EYS: variants seen among roughly 807,000 people sequenced by gnomAD.
The protein encoded by EYS is EGF-like photoreceptor maintenance factor.
A neutral mutation model predicts 282.1 loss-of-function variants in EYS; 250 were observed. That is an observed-to-expected ratio of 0.89 (90% CI 0.80 to 0.98). The LOEUF is 0.98. EYS is among the 50% of genes least tolerant of loss of function. The pLI, the probability that EYS is intolerant of heterozygous loss-of-function variation, is 0.00. For missense variants in EYS, 4,016 were observed against 3,709.0 expected (o/e 1.08, Z -2.15); for synonymous variants, 1,355 against 1,282.9 (o/e 1.06, Z -1.20).
intron 26 of EYS, among the ~76,000 whole-genome samples, chr6:64,515,312 C>T (rs1408017006): frequency 6.6e-6 from 1 of 151,564 alleles, no homozygotes; most frequent in South Asian, 2.1e-4. Context: ...ACTAAGCCTA[C>T]AGATTTATTT....
At chr6:65,339,285 G>T (rs759443485) in intron 10 of EYS, among the ~76,000 whole-genome samples, 1 of 151,112 alleles carries the variant, frequency 6.6e-6, no homozygotes, top group Non-Finnish European at 1.5e-5. Flanking sequence ...AAAATAGAAT[G>T]CAGGAGAAAT....
chr6:64,890,053 C>A (rs1050550429), intron 18 of EYS, among the ~76,000 whole-genome samples: 1 of 149,648 alleles, frequency 6.7e-6, no homozygotes, highest in Admixed American at 6.7e-5. Context: ...ATGCCCCCCC[C>A]CCCCAAGGTG....
intron 15 of EYS, among the ~76,000 whole-genome samples, chr6:64,936,685 A>G (rs1768916680): frequency 6.6e-6 from 1 of 151,508 alleles, no homozygotes; most frequent in Non-Finnish European, 1.5e-5. Context: ...ATAACATAAA[A>G]AGATTCAAAT....
chr6:65,606,832 T>C (rs1280195473), intron 2 of EYS, among the ~76,000 whole-genome samples: 2 of 151,862 alleles, frequency 1.3e-5, no homozygotes, highest in African/African-American at 2.4e-5. Flanking sequence ...AAAGAGAAGT[T>C]TACCAGTTTA....
chr6:65,474,651 G>C (rs1360749165), intron 5 of EYS, among the ~76,000 whole-genome samples: 2 of 152,062 alleles, frequency 1.3e-5, no homozygotes, highest in African/African-American at 2.4e-5. Flanking sequence ...TCCAGATTTG[G>C]GAGGAAGCAA....
At chr6:65,687,803 G>A (rs1415530675) in intron 1 of EYS, among the ~76,000 whole-genome samples, 1 of 152,086 alleles carries the variant, frequency 6.6e-6, no homozygotes, top group African/African-American at 2.4e-5. Context: ...CAAACGCAGA[G>A]CCAAATCATG....
intron 29 of EYS, among the ~76,000 whole-genome samples, chr6:64,310,982 GT>G (rs1769675619): frequency 6.6e-6 from 1 of 151,880 alleles, no homozygotes; most frequent in Admixed American, 6.5e-5. Context: ...AAAGGTTCTT[GT>G]TTTTATAATG....
intron 2 of EYS, among the ~76,000 whole-genome samples, chr6:65,599,930 A>G (rs1765557672): frequency 6.6e-6 from 1 of 152,096 alleles, no homozygotes; most frequent in South Asian, 2.1e-4. Flanking sequence ...CTGTTGGCAC[A>G]GAATTGGTTA....
chr6:64,685,702 T>C (rs888755251), intron 22 of EYS, among the ~76,000 whole-genome samples: 1 of 152,300 alleles, frequency 6.6e-6, no homozygotes, highest in African/African-American at 2.4e-5. Context: ...TTTTTTTCTT[T>C]ATAAATTATT....
At chr6:64,937,106 G>C (rs1768933700) in intron 15 of EYS, among the ~76,000 whole-genome samples, 2 of 151,302 alleles carry the variant, frequency 1.3e-5, no homozygotes, top group Non-Finnish European at 3.0e-5. Flanking sequence ...AGAAGAATGA[G>C]GCTAGACCTT....
intron 28 of EYS, among the ~76,000 whole-genome samples, chr6:64,390,179 A>C (rs1582688255): frequency 6.6e-6 from 1 of 152,054 alleles, no homozygotes; most frequent in Admixed American, 6.6e-5. Flanking sequence ...AACTGCAAGG[A>C]GGCAGCGAGG....
At chr6:64,199,207 A>G (rs1765388651) in intron 31 of EYS, among the ~76,000 whole-genome samples, 1 of 152,218 alleles carries the variant, frequency 6.6e-6, no homozygotes, top group Non-Finnish European at 1.5e-5. Context: ...CAATAACAAA[A>G]ATAGCATGGT....
chr6:65,103,994 C>A (rs893124417), intron 12 of EYS, among the ~76,000 whole-genome samples: 1 of 150,810 alleles, frequency 6.6e-6, no homozygotes. Context: ...GTATCAGTTT[C>A]TTTTATCTTG....
intron 19 of EYS, among the ~76,000 whole-genome samples, chr6:64,852,146 A>ATGGT (rs3065322): frequency 0.56 from 84,152 of 151,292 alleles, 24,089 homozygotes; most frequent in Non-Finnish European, 0.62. Flanking sequence ...TTATGCTGTG[A>ATGGT]TGGTTAGTAC....
intron 26 of EYS, among the ~76,000 whole-genome samples, chr6:64,503,497 A>G (rs1777117734): frequency 6.6e-6 from 1 of 152,178 alleles, no homozygotes; most frequent in Non-Finnish European, 1.5e-5. Context: ...GGTGATTGTT[A>G]ACGATAATTT....
chr6:63,971,333 T>A (rs1766560256), intron 35 of EYS, among the ~76,000 whole-genome samples: 2 of 152,194 alleles, frequency 1.3e-5, no homozygotes, highest in African/African-American at 2.4e-5. Flanking sequence ...TCTATATGCA[T>A]GGTAATAGAT....
At chr6:64,352,687 C>A (rs146721599) in intron 29 of EYS, among the ~76,000 whole-genome samples, 389 of 151,568 alleles carry the variant, frequency 2.6e-3, no homozygotes, top group East Asian at 0.012. Flanking sequence ...AAAATGAATT[C>A]AACACTAACA....
At chr6:64,888,290 A>T (rs2150064243) in intron 18 of EYS, among the ~76,000 whole-genome samples, 1 of 152,132 alleles carries the variant, frequency 6.6e-6, no homozygotes, top group African/African-American at 2.4e-5. Context: ...GAATGTTTGC[A>T]CCACAAAGAA....
chr6:63,847,660 T>C (rs1772134441), intron 36 of EYS, among the ~76,000 whole-genome samples: 1 of 152,236 alleles, frequency 6.6e-6, no homozygotes, highest in East Asian at 1.9e-4. Context: ...CTTTAAGAAA[T>C]TGTTTTTTGC....
Sources: gnomAD v4.1 joint callset for allele counts (sites outside exome capture counted in the v4.1 genomes callset) on GRCh38, gnomAD v4.1.1 for gene constraint, MANE v1.5 for transcripts, NCBI Gene and HGNC (gene_info 2026-07-23, HGNC 2026-07-21) for gene names.